Variants in PKD1L1 observed in about 807,000 individuals in gnomAD.
The protein encoded by PKD1L1 is polycystin 1 like 1, transient receptor potential channel interacting, also known as polycystin-1-like protein 1.
In PKD1L1, 236 loss-of-function variants were observed where a neutral mutation model predicts 323.4. The ratio of observed to expected loss-of-function variants is 0.73; its 90% confidence interval spans 0.66 to 0.81. The LOEUF is 0.81. Ranked by LOEUF, PKD1L1 falls within the 40% of genes least tolerant of loss-of-function variation. The pLI is 0.00. For synonymous variants in PKD1L1, 1,344 were observed against 1,335.0 expected (o/e 1.01, Z -0.15); for missense variants, 3,320 against 3,508.0 (o/e 0.95, Z 1.35).
intron 3 of PKD1L1, 146 bp from the exon 4 acceptor site, chr7:47,937,104 C>G: frequency 4.8e-6 from 3 of 629,732 alleles, no homozygotes; most frequent in Non-Finnish European, 8.2e-6. Context: ...GAAGCAACAG[C>G]GAGGAAAGCA....
Position 47,836,902 on chromosome 7 carries a change from G to A in PKD1L1, c.5943+19C>T, listed in dbSNP as rs1238634084. The A allele has an allele frequency of 2.5e-6, 4 of 1,609,294 alleles. No homozygotes were observed. The highest frequency in any genetic ancestry group is 2.5e-6 in the Non-Finnish European group (3 of 1,177,280). The stretch of plus-strand genomic sequence containing the variant: ...AGTCGGATCTGGAAGCTGCTATAAG[G>A]AAAAGCGATGGCTCTCACCTGCTCT... On this transcript the variant is annotated intron_variant, in intron 37 of 56. Transcript: ENST00000289672.
intron 14 of PKD1L1, among the ~76,000 whole-genome samples, chr7:47,895,522 G>C (rs1305682016): frequency 6.6e-6 from 1 of 151,946 alleles, no homozygotes; most frequent in Non-Finnish European, 1.5e-5. Context: ...AGGGGTAAGA[G>C]GAATTTCAGT....
chr7:47,904,283 G>A, intron 12 of PKD1L1, 95 bp downstream of exon 12: 1 of 1,527,470 alleles, frequency 6.5e-7, no homozygotes, highest in South Asian at 1.2e-5. Flanking sequence ...TTGACTGACA[G>A]GCAGGTCTCT....
In PKD1L1 at chr7:47,834,560, T is replaced by A. The variant is rs532841670; in HGVS notation, c.6128-175A>T. 2.0e-5 allele frequency among the ~76,000 whole-genome samples: 3 copies of A among 152,340 alleles called. No homozygotes were observed. In the East Asian group the frequency reaches 5.8e-4, roughly 29 times the overall value. On this transcript the variant is annotated intron_variant, in intron 39 of 56. Coordinates refer to ENST00000289672, the MANE Select transcript of PKD1L1 (RefSeq NM_138295.5). ...AGGCTAGAACGAGGACTTTTGTTGA[T>A]GCTTCAGTCCTGATGTTGGCTTGGG...
At chr7:47,860,168 T>C (rs1418148177) in intron 26 of PKD1L1, among the ~76,000 whole-genome samples, 4 of 152,244 alleles carry the variant, frequency 2.6e-5, no homozygotes, top group Non-Finnish European at 5.9e-5. Context: ...TCTAAAAATA[T>C]GCCCACAATG....
intron 56 of PKD1L1, among the ~76,000 whole-genome samples, chr7:47,789,120 C>T (rs752850211): frequency 6.6e-6 from 1 of 152,136 alleles, no homozygotes; most frequent in Non-Finnish European, 1.5e-5. Flanking sequence ...AAAACACATT[C>T]GGAAGCTTTT....
Position 47,940,119 on chromosome 7 carries a change from A to C in PKD1L1, c.285+74T>G, listed in dbSNP as rs62447089. Reference sequence around the variant, plus strand: ...CTGATGAATTCCTGATGAAACATGGAGGTGCTTTTTAGCTGTACTGTACAT... The same window carrying C: ...CTGATGAATTCCTGATGAAACATGGCGGTGCTTTTTAGCTGTACTGTACAT... On this transcript the variant is annotated intron_variant, in intron 3 of 56. Coordinates refer to ENST00000289672, the MANE Select transcript of PKD1L1 (RefSeq NM_138295.5). 173,151 of 1,544,648 alleles carry C rather than the reference A, an allele frequency of 0.11. 10,707 individuals are homozygous for C. The highest frequency in any genetic ancestry group is 0.24 in the East Asian group (10,504 of 43,920).
chr7:47,898,235 T>G, intron 13 of PKD1L1, 41 bp from the exon 14 acceptor site: 3 of 1,503,664 alleles, frequency 2.0e-6, no homozygotes, highest in South Asian at 1.2e-5. Flanking sequence ...AAAATGTCCA[T>G]CACATCTAAT....
chr7:47,837,244 G>A (rs949068898), intron 36 of PKD1L1, 150 bp from the exon 37 acceptor site: 42 of 864,516 alleles, frequency 4.9e-5, no homozygotes, highest in South Asian at 4.6e-4. Flanking sequence ...GGTGGGCTGT[G>A]GTGCAGGTAG....
At chr7:47,775,766 TAATA>T (rs1049265698) in intron 56 of PKD1L1, among the ~76,000 whole-genome samples, 1 of 134,770 alleles carries the variant, frequency 7.4e-6, no homozygotes, top group African/African-American at 2.8e-5. Context: ...AAAAAGTAAA[TAATA>T]AATAAATACT....
At chr7:47,811,317 G>A (rs555372006) in intron 50 of PKD1L1, among the ~76,000 whole-genome samples, 202 of 152,196 alleles carry the variant, frequency 1.3e-3, no homozygotes, top group Middle Eastern at 3.4e-3. Flanking sequence ...ACCATGCCCG[G>A]CTAATTTTTG....
At chr7:47,860,228 A>C (rs1785995981) in intron 26 of PKD1L1, among the ~76,000 whole-genome samples, 1 of 152,228 alleles carries the variant, frequency 6.6e-6, no homozygotes, top group South Asian at 2.1e-4. Context: ...TATCTTTTAA[A>C]ACCAACCTCA....
At chr7:47,857,386 A>G (rs1785928454) in intron 28 of PKD1L1, among the ~76,000 whole-genome samples, 1 of 152,184 alleles carries the variant, frequency 6.6e-6, no homozygotes, top group South Asian at 2.1e-4. Flanking sequence ...GATACAAGTG[A>G]CATCTAGTTT....
intron 4 of PKD1L1, among the ~76,000 whole-genome samples, chr7:47,936,504 T>G (rs936903042): frequency 2.0e-5 from 3 of 152,222 alleles, no homozygotes; most frequent in Admixed American, 6.5e-5. Context: ...CTGTATGTTA[T>G]GCACCATGAA....
At chr7:47,911,148 T>C (rs1268012377) in intron 8 of PKD1L1, among the ~76,000 whole-genome samples, 1 of 152,206 alleles carries the variant, frequency 6.6e-6, no homozygotes, top group Non-Finnish European at 1.5e-5. Context: ...ATGAATGGTT[T>C]AGTACCATCC....
Position 47,876,150 on chromosome 7 carries a change from T to C in PKD1L1, c.3731A>G (p.Asp1244Gly). ...TGGCAACACAAAATAATACTGGGTGTCTCTCCCATGGTACAAAGTGTGTTT... is the reference window on the plus strand; with the variant it reads ...TGGCAACACAAAATAATACTGGGTGCCTCTCCCATGGTACAAAGTGTGTTT... Reference protein sequence around the residue: ...TSKHTLYHGRDTQYYFVLPAG... With the variant: ...TSKHTLYHGRGTQYYFVLPAG... The change falls in exon 23 of 57, where the codon GAC becomes GGC. Residue 1244 changes from aspartate (D) to glycine (G), a missense_variant. Physicochemically the swap from Asp to Gly is moderately conservative, Grantham distance 94. Transcript: ENST00000289672. The C allele has an allele frequency of 6.2e-7, 1 of 1,614,124 alleles. No individual in the cohort carries two copies. Among genetic ancestry groups the C allele is most frequent in the Non-Finnish European group, 8.5e-7 (1 of 1,179,980 alleles).
At chr7:47,812,991 C>T in intron 49 of PKD1L1, 130 bp downstream of exon 49, 1 of 1,084,354 alleles carries the variant, frequency 9.2e-7, no homozygotes. Context: ...GAGCCCCTGG[C>T]AGTGGTGCGC....
chr7:47,843,073 T>C lies in PKD1L1; in HGVS notation c.5334A>G (p.Glu1778=), dbSNP rs777139321. 4 of 1,614,006 alleles carry C rather than the reference T, an allele frequency of 2.5e-6. No homozygotes were observed. The highest frequency in any genetic ancestry group is 3.4e-6 in the Non-Finnish European group (4 of 1,179,916). The part of the protein sequence containing the change: ...VAKSRQVDHH[E]KKKAGYIFLQ... The stretch of plus-strand genomic sequence containing the variant: ...GAAAGATGTAACCAGCTTTCTTTTT[T>C]TCATGATGATCTACTTGTCTACTTT... The change falls in exon 34 of 57, where the codon GAA becomes GAG. Residue 1778 remains glutamate, a synonymous_variant. Transcript: ENST00000289672.
At position 47,837,100 on chromosome 7, in the gene PKD1L1, A is replaced by G. The variant is rs1583609055; in HGVS notation, c.5770-6T>C. 6.2e-7 allele frequency: 1 copy of G among 1,613,758 alleles called. No individual in the cohort carries two copies. Among genetic ancestry groups the G allele is most frequent in the Non-Finnish European group, 8.5e-7 (1 of 1,179,710 alleles). ...GTGAACTTGCAATAGAAAAGCTGAAACGGAAAGCAGGAGAAGTGTTCCCTG... is the reference window on the plus strand; with the variant it reads ...GTGAACTTGCAATAGAAAAGCTGAAGCGGAAAGCAGGAGAAGTGTTCCCTG... On this transcript the variant is annotated splice_region_variant and splice_polypyrimidine_tract_variant and intron_variant, in intron 36 of 56. Transcript: ENST00000289672.
Sources: gnomAD v4.1 joint callset for allele counts (sites outside exome capture counted in the v4.1 genomes callset) on GRCh38, gnomAD v4.1.1 for gene constraint, MANE v1.5 for transcripts, NCBI Gene and HGNC (gene_info 2026-07-23, HGNC 2026-07-21) for gene names.